The following L2HGDH variants were observed in gnomAD, a reference collection of about 807,000 sequenced individuals.
L2HGDH encodes the protein L-2-hydroxyglutarate dehydrogenase, also known as L-2-hydroxyglutarate dehydrogenase, mitochondrial.
L2HGDH carries 34 observed loss-of-function variants against 51.5 expected under a neutral mutation model. That is an observed-to-expected ratio of 0.66 (90% CI 0.50 to 0.88). The LOEUF (loss-of-function observed/expected upper bound fraction) is 0.88, where lower values mean the gene tolerates loss of function less well. Ranked by LOEUF, L2HGDH falls within the 40% of genes least tolerant of loss-of-function variation. The probability of loss-of-function intolerance (pLI) is 0.00; values close to 1 mark genes in which losing one functional copy is unlikely to be tolerated. For synonymous variants in L2HGDH, 198 were observed against 197.9 expected (o/e 1.00, Z -0.01); for missense variants, 558 against 571.9 (o/e 0.98, Z 0.25).
At chr14:50,291,501 A>G (rs116330607) in intron 4 of L2HGDH, among the ~76,000 whole-genome samples, 1,543 of 152,278 alleles carry the variant, frequency 0.01, 22 homozygotes, top group African/African-American at 0.035. Flanking sequence ...GATTATCCTG[A>G]CTGGGTGCCA....
chr14:50,293,307 T>G (rs1473990313), intron 4 of L2HGDH: 2 of 702,086 alleles, frequency 2.8e-6, no homozygotes, highest in African/African-American at 3.5e-5. Flanking sequence ...AAATACACCT[T>G]GACCCCTAAC....
intron 4 of L2HGDH, among the ~76,000 whole-genome samples, chr14:50,291,197 C>CAAAAAA (rs1159640500): frequency 5.3e-3 from 162 of 30,556 alleles, no homozygotes; most frequent in Non-Finnish European, 8.2e-3. Flanking sequence ...GACTCCGTCT[C>CAAAAAA]AAAAAAAAAA....
chr14:50,301,789 T>C (rs990226329), intron 3 of L2HGDH, among the ~76,000 whole-genome samples: 18 of 152,208 alleles, frequency 1.2e-4, no homozygotes, highest in African/African-American at 3.6e-4. Context: ...AATTGATCTG[T>C]GCACTTTAAA....
rs531746544 is a variant in L2HGDH at position 50,303,096 on chromosome 14, A to C, written c.141-79T>G. ...AACTTCACATGCATAATTTTCATCA[A>C]TGGACAATTAAACCATTAATTTGTA... On this transcript the variant is annotated intron_variant, in intron 1 of 9. Coordinates refer to ENST00000267436, the MANE Select transcript of L2HGDH (RefSeq NM_024884.3). 1.0e-5 allele frequency: 9 copies of C among 870,610 alleles called. No individual in the cohort carries two copies. In the African/African-American group the frequency reaches 1.5e-4, roughly 14 times the overall value. The allele number at this position is 870,610 out of a possible 1,614,324, so 53.9% of individuals were successfully genotyped here.
At chr14:50,311,886 G>C (rs1470326215) in intron 1 of L2HGDH, 125 bp downstream of exon 1, 2 of 1,301,948 alleles carry the variant, frequency 1.5e-6, no homozygotes, top group African/African-American at 2.9e-5. Context: ...AGGTTGGAGT[G>C]CCACAGGACC....
intron 4 of L2HGDH, among the ~76,000 whole-genome samples, chr14:50,290,664 T>A (rs911691693): frequency 6.6e-6 from 1 of 152,030 alleles, no homozygotes; most frequent in Non-Finnish European, 1.5e-5. Context: ...GAAATTTGAA[T>A]TTCATATATT....
rs1209720300 is a variant in L2HGDH at position 50,294,143 on chromosome 14, T to A, written c.512A>T (p.Asp171Val). 8 of 1,613,986 alleles carry A rather than the reference T, an allele frequency of 5.0e-6. No homozygotes were observed. Among genetic ancestry groups the A allele is most frequent in the Middle Eastern group, 1.7e-4 (1 of 6,060 alleles). Residue 171 changes from aspartate to valine, a missense_variant, in exon 4 of 10, where the codon GAT becomes GTT. Physicochemically the swap from Asp to Val is radical, Grantham distance 152. Around this residue, in one of 3 missense-constraint regions of L2HGDH, gnomAD observed 43 missense variants for 72.9 expected, o/e 0.59. Transcript: ENST00000267436. ...VPGLRLIQQEDIKKKEPYCRG... is the reference protein window; with the variant it reads ...VPGLRLIQQEVIKKKEPYCRG... ...ACAATATGGCTCCTTCTTTTTTATATCCTCCTGCTGGATCAGCCTCAGGCC... is the reference window on the plus strand; with the variant it reads ...ACAATATGGCTCCTTCTTTTTTATAACCTCCTGCTGGATCAGCCTCAGGCC...
At chr14:50,309,818 G>T (rs1314529474) in intron 1 of L2HGDH, among the ~76,000 whole-genome samples, 1 of 151,822 alleles carries the variant, frequency 6.6e-6, no homozygotes, top group Non-Finnish European at 1.5e-5. Context: ...AAGTGGCTGG[G>T]ACTACAGGAG....
At chr14:50,297,973 C>G (rs1006761362) in intron 3 of L2HGDH, among the ~76,000 whole-genome samples, 1 of 151,862 alleles carries the variant, frequency 6.6e-6, no homozygotes, top group African/African-American at 2.4e-5. Context: ...AACAAAATGA[C>G]TGGGCATGGT....
intron 6 of L2HGDH, among the ~76,000 whole-genome samples, chr14:50,277,190 T>G (rs550061402): frequency 6.7e-6 from 1 of 148,270 alleles, no homozygotes; most frequent in Non-Finnish European, 1.5e-5. Flanking sequence ...ATGGATAAAG[T>G]AGACTGTTTT....
chr14:50,289,538 T>C (rs1052133285), intron 4 of L2HGDH, among the ~76,000 whole-genome samples: 1 of 152,292 alleles, frequency 6.6e-6, no homozygotes, highest in Non-Finnish European at 1.5e-5. Flanking sequence ...ACCTCATTCA[T>C]AGATTTAGAA....
intron 6 of L2HGDH, among the ~76,000 whole-genome samples, chr14:50,275,000 C>A (rs1889897368): frequency 6.6e-6 from 1 of 151,968 alleles, no homozygotes; most frequent in South Asian, 2.1e-4. Context: ...TGATAGCAGT[C>A]AAAGGGTACA....
chr14:50,280,777 G>A (rs943947137), intron 5 of L2HGDH, among the ~76,000 whole-genome samples: 1 of 151,746 alleles, frequency 6.6e-6, no homozygotes, highest in Non-Finnish European at 1.5e-5. Flanking sequence ...GCCTCCCAAA[G>A]TGCTCGGATT....
intron 4 of L2HGDH, 45 bp downstream of exon 4, chr14:50,294,070 C>T (rs781683483): frequency 1.6e-5 from 26 of 1,606,716 alleles, no homozygotes; most frequent in Non-Finnish European, 2.0e-5. Context: ...CTCCATGTCT[C>T]AGGACTAAGC....
intron 5 of L2HGDH, among the ~76,000 whole-genome samples, chr14:50,279,798 C>T (rs537051220): frequency 5.2e-4 from 79 of 152,144 alleles, no homozygotes; most frequent in African/African-American, 1.6e-3. Context: ...TGGTGGCTTA[C>T]GCCTGTAACC....
intron 6 of L2HGDH, among the ~76,000 whole-genome samples, chr14:50,275,209 G>A (rs1361443239): frequency 6.6e-6 from 1 of 152,170 alleles, no homozygotes; most frequent in African/African-American, 2.4e-5. Context: ...ATTTCACAAT[G>A]TAAACATAGA....
At position 50,243,208 on chromosome 14, in the gene L2HGDH, A is replaced by C; in HGVS notation, c.*3850T>G. 1.0e-6 allele frequency: 1 copy of C among 985,432 alleles called. No homozygotes were observed. The highest frequency in any genetic ancestry group is 1.2e-6 in the Non-Finnish European group (1 of 829,924). 61.0% of individuals were successfully genotyped at this position (985,432 alleles called of 1,614,324 possible). ...CATATATGTATGGATAAAAGAGTTA[A>C]GCTACGTAACATGAAACACCAAAAA... is the stretch of plus-strand genomic sequence containing the variant. On this transcript the variant is annotated 3_prime_UTR_variant, in exon 10 of 10. Coordinates refer to ENST00000267436, the MANE Select transcript of L2HGDH (RefSeq NM_024884.3).
rs1403343545 is a variant in L2HGDH, at chr14:50,243,437, A to G, written c.*3621T>C. Reference sequence around the variant, plus strand: ...ACACATAAAAAAATTTATTTGCATAAAAGTTTTTATGGAACTAAAAAATAT... The same window carrying G: ...ACACATAAAAAAATTTATTTGCATAGAAGTTTTTATGGAACTAAAAAATAT... On this transcript the variant is annotated 3_prime_UTR_variant, in exon 10 of 10. Coordinates refer to ENST00000267436, the MANE Select transcript of L2HGDH (RefSeq NM_024884.3). The G allele has an allele frequency of 1.1e-6, 1 of 935,552 alleles. No individual in the cohort carries two copies. 58.0% of individuals were successfully genotyped at this position (935,552 alleles called of 1,614,324 possible).
intron 6 of L2HGDH, among the ~76,000 whole-genome samples, chr14:50,271,150 G>C (rs1196364315): frequency 1.3e-5 from 2 of 152,202 alleles, no homozygotes; most frequent in Non-Finnish European, 2.9e-5. Flanking sequence ...ACCGCACCCA[G>C]CCAAAAATAA....
Sources: allele counts gnomAD v4.1 joint callset (sites outside exome capture counted in the v4.1 genomes callset), GRCh38; gene constraint gnomAD v4.1.1; regional missense constraint gnomAD v4.1.1; transcripts MANE v1.5; gene names NCBI Gene and HGNC (gene_info 2026-07-23, HGNC 2026-07-21).